The following PCDHA1 variants were observed in gnomAD, a reference collection of about 807,000 sequenced individuals.
The protein encoded by PCDHA1 is protocadherin alpha-1.
A neutral mutation model predicts 61.3 loss-of-function variants in PCDHA1; 42 were observed. That is an observed-to-expected ratio of 0.69 (90% confidence interval 0.54 to 0.89). The LOEUF (loss-of-function observed/expected upper bound fraction) is 0.89. Ranked by LOEUF, PCDHA1 falls within the 40% of genes least tolerant of loss-of-function variation. The probability of loss-of-function intolerance (pLI) is 0.00; values close to 1 mark genes in which losing one functional copy is unlikely to be tolerated. For missense variants in PCDHA1, 1,256 were observed against 1,235.3 expected, an observed-to-expected ratio of 1.02 and a Z score of -0.25; for synonymous variants, 610 against 553.8, an observed-to-expected ratio of 1.10 and a Z score of -1.43.
In PCDHA1 at chr5:140,852,588, T is replaced by TTA. The variant is rs1554145946; in HGVS notation, c.2394+63905_2394+63906insAT. On this transcript the variant is annotated intron_variant, in intron 1 of 3. Coordinates refer to ENST00000504120, the MANE Select transcript of PCDHA1 (RefSeq NM_018900.4). ...ACTGTGCCAAGGCTTTTTTATTTTTTTTTTTTGTCATTTTCTTTCAAAACT... is the reference window on the plus strand; with the variant it reads ...ACTGTGCCAAGGCTTTTTTATTTTTTTATTTTTTGTCATTTTCTTTCAAAACT... 1.7e-5 allele frequency: 15 copies of TTA among 881,508 alleles called. 1 individual carries two copies. The highest frequency in any genetic ancestry group is 1.9e-5 in the Non-Finnish European group (14 of 723,686). The allele number at this position is 881,508 out of a possible 1,614,324, so 54.6% of individuals were successfully genotyped here. A position where few individuals can be genotyped will look rare whatever the true frequency, so the allele number is the denominator to read the frequency against.
chr5:140,860,530 T>C (rs1210536247), intron 1 of PCDHA1: 1 of 152,180 alleles, frequency 6.6e-6, no homozygotes, highest in Non-Finnish European at 1.5e-5. Flanking sequence ...GAATTCTGAT[T>C]TGTAAGACAA....
intron 1 of PCDHA1, chr5:140,809,160 C>T (rs147908793): frequency 1.9e-6 from 3 of 1,613,860 alleles, no homozygotes; most frequent in African/African-American, 2.7e-5. Context: ...GGCGAGCCCG[C>T]GCTGACGGCC....
intron 1 of PCDHA1, chr5:140,876,905 C>T (rs782526620): frequency 2.5e-6 from 4 of 1,614,032 alleles, no homozygotes; most frequent in Non-Finnish European, 3.4e-6. Context: ...TTCACGGTGT[C>T]GGCATGGGAC....
intron 1 of PCDHA1, chr5:140,882,457 G>C: frequency 1.2e-6 from 2 of 1,614,056 alleles, no homozygotes; most frequent in Non-Finnish European, 1.7e-6. Context: ...TGCCGCGCCT[G>C]TTCCGGGTGG....
intron 1 of PCDHA1, chr5:140,825,415 AAT>A (rs2150139433): frequency 1.7e-4 from 25 of 146,774 alleles, no homozygotes; most frequent in African/African-American, 4.7e-4. Flanking sequence ...TATTTTATAT[AAT>A]ATATATAATA....
chr5:140,910,514 T>C (rs1246361505), intron 1 of PCDHA1, among the ~76,000 whole-genome samples: 1 of 152,218 alleles, frequency 6.6e-6, no homozygotes, highest in African/African-American at 2.4e-5. Flanking sequence ...TCTTCAAGGA[T>C]GCAGGTACTC....
At chr5:140,821,890 A>T (rs2150111663) in intron 1 of PCDHA1, 2 of 1,614,240 alleles carry the variant, frequency 1.2e-6, no homozygotes, top group Admixed American at 3.3e-5. Flanking sequence ...GGAGGAAGCC[A>T]AACACGGAAC....
chr5:140,843,519 G>A, intron 1 of PCDHA1: 1 of 1,595,904 alleles, frequency 6.3e-7, no homozygotes, highest in Non-Finnish European at 8.6e-7. Context: ...GGCGGGTGCC[G>A]GGCGGGCAAG....
rs2150358985 is a variant in PCDHA1, at chr5:140,843,390, A to T, written c.2394+54706A>T. The T allele has an allele frequency of 7.2e-5, 115 of 1,595,932 alleles. 13 individuals carry two copies. Among genetic ancestry groups the T allele is most frequent in the Admixed American group, 3.7e-4 (22 of 59,276 alleles). ...CAGTCGGCTGGCGTTTTGGGTCCGG[A>T]AGCGGCGCTGGTGGATGTCAACGTG... On this transcript the variant is annotated intron_variant, in intron 1 of 3. Coordinates refer to ENST00000504120, the MANE Select transcript of PCDHA1 (RefSeq NM_018900.4).
chr5:140,876,408 G>T, intron 1 of PCDHA1: 1 of 1,613,942 alleles, frequency 6.2e-7, no homozygotes, highest in Non-Finnish European at 8.5e-7. Flanking sequence ...ATTTTGAAGA[G>T]AATAATGCCT....
chr5:140,823,697 C>A, intron 1 of PCDHA1: 1 of 1,613,956 alleles, frequency 6.2e-7, no homozygotes, highest in Non-Finnish European at 8.5e-7. Flanking sequence ...GAGACCGAAG[C>A]ACCGCGCCAC....
rs2150126052 is a variant in PCDHA1, at chr5:140,823,464, G to T, written c.2394+34780G>T. 5.6e-6 allele frequency: 9 copies of T among 1,613,420 alleles called. No homozygotes were observed. In the East Asian group the frequency reaches 1.3e-4, roughly 24 times the overall value. On this transcript the variant is annotated intron_variant, in intron 1 of 3. Coordinates refer to ENST00000504120, the MANE Select transcript of PCDHA1 (RefSeq NM_018900.4). ...TGGACGAGAACGACAACGCGCCGGCGCTGCTGGTGCCTCGAGTGGGTGGCA... is the reference window on the plus strand; with the variant it reads ...TGGACGAGAACGACAACGCGCCGGCTCTGCTGGTGCCTCGAGTGGGTGGCA...
intron 1 of PCDHA1, chr5:140,863,768 G>C (rs2048166638): frequency 4.1e-6 from 1 of 242,260 alleles, no homozygotes; most frequent in African/African-American, 2.2e-5. Flanking sequence ...GGAAGCCGAG[G>C]CGGGCGGATC....
At chr5:140,980,553 C>G (rs1554241953) in intron 2 of PCDHA1, among the ~76,000 whole-genome samples, 1 of 152,062 alleles carries the variant, frequency 6.6e-6, no homozygotes, top group Admixed American at 6.6e-5. Context: ...TCGCTTGAAC[C>G]CGGGAGGCGG....
At chr5:140,869,258 TG>T in intron 1 of PCDHA1, 1 of 1,613,558 alleles carries the variant, frequency 6.2e-7, no homozygotes, top group Non-Finnish European at 8.5e-7. Context: ...GCGCAGGACC[TG>T]GGGCTGGAGC....
intron 1 of PCDHA1, chr5:140,927,490 C>T: frequency 3.1e-6 from 5 of 1,614,132 alleles, no homozygotes; most frequent in Non-Finnish European, 4.2e-6. Context: ...CGCCACCCAC[C>T]TGCTGGTGCT....
intron 1 of PCDHA1, chr5:140,804,679 A>G (rs1763436952): frequency 6.2e-6 from 1 of 160,822 alleles, no homozygotes; most frequent in Admixed American, 6.4e-5. Context: ...GAAAACTCCA[A>G]ATAACCAGAA....
chr5:140,869,698 T>C (rs782072995), intron 1 of PCDHA1: 4 of 1,613,236 alleles, frequency 2.5e-6, no homozygotes, highest in Middle Eastern at 1.6e-4. Context: ...TTTAAAGAAG[T>C]CTCTGGATAG....
At chr5:140,863,326 G>A (rs782427157) in intron 1 of PCDHA1, 10 of 1,432,588 alleles carry the variant, frequency 7.0e-6, no homozygotes, top group Non-Finnish European at 9.5e-6. Flanking sequence ...CAGCCTGTTA[G>A]TGCTCACGTT....
Sources: allele counts gnomAD v4.1 joint callset (sites outside exome capture counted in the v4.1 genomes callset), GRCh38; gene constraint gnomAD v4.1.1; transcripts MANE v1.5; gene names NCBI Gene and HGNC (gene_info 2026-07-23, HGNC 2026-07-21).